Variants in SLC35F1 observed in about 807,000 individuals in gnomAD.
SLC35F1 encodes chromosome 6 open reading frame 169.
In SLC35F1, 14 loss-of-function variants were observed where a neutral mutation model predicts 48.7. The observed-to-expected ratio is 0.29, with a 90% CI of 0.19 to 0.45. The LOEUF is 0.45. Ranked by LOEUF, SLC35F1 falls within the 20% of genes least tolerant of loss-of-function variation. SLC35F1 has a pLI of 1.00. For missense variants in SLC35F1, 404 were observed against 500.0 expected, an observed-to-expected ratio of 0.81 and a Z score of 1.83; for synonymous variants, 190 against 202.2, an observed-to-expected ratio of 0.94 and a Z score of 0.51.
intron 3 of SLC35F1, among the ~76,000 whole-genome samples, chr6:118,263,726 G>T (rs1390595812): frequency 2.0e-5 from 3 of 152,086 alleles, no homozygotes; most frequent in Non-Finnish European, 4.4e-5. Context: ...CAGTTATAAT[G>T]CTTCTCTTTT....
At chr6:117,936,385 A>G (rs1177860697) in intron 1 of SLC35F1, among the ~76,000 whole-genome samples, 1 of 152,006 alleles carries the variant, frequency 6.6e-6, no homozygotes, top group Non-Finnish European at 1.5e-5. Flanking sequence ...GATGTGCTAA[A>G]CTGTTCCCCA....
At chr6:118,157,584 T>TG (rs1343276814) in intron 2 of SLC35F1, among the ~76,000 whole-genome samples, 1 of 152,178 alleles carries the variant, frequency 6.6e-6, no homozygotes, top group East Asian at 1.9e-4. Context: ...CTTCAGTCTG[T>TG]GGCCGAAGTC....
At chr6:117,924,777 C>T (rs995868972) in intron 1 of SLC35F1, among the ~76,000 whole-genome samples, 5 of 152,052 alleles carry the variant, frequency 3.3e-5, no homozygotes, top group African/African-American at 1.2e-4. Context: ...AAGGATCTGC[C>T]TACATAAAGA....
intron 1 of SLC35F1, among the ~76,000 whole-genome samples, chr6:118,103,481 C>A (rs2114368998): frequency 6.6e-6 from 1 of 152,320 alleles, no homozygotes; most frequent in Non-Finnish European, 1.5e-5. Flanking sequence ...GTGTGGGGAG[C>A]AGCCACTCCC....
rs142732837 is a variant in SLC35F1, at chr6:118,062,391, G to A, written c.174-92054G>A. On this transcript the variant is annotated intron_variant, in intron 1 of 7. Coordinates refer to ENST00000360388, the MANE Select transcript of SLC35F1 (RefSeq NM_001029858.4). ...TTTTTTAAAATTTTGTGGCTACATA[G>A]TAGGTATATAGATTTATGGGGTACA... Among the ~76,000 whole-genome samples, 32 of 152,196 alleles carry A rather than the reference G, an allele frequency of 2.1e-4. No homozygotes were observed. In the East Asian group the frequency reaches 5.6e-3, roughly 27 times the overall value.
At chr6:118,303,573 C>T (rs1380813934) in intron 7 of SLC35F1, among the ~76,000 whole-genome samples, 1 of 152,134 alleles carries the variant, frequency 6.6e-6, no homozygotes, top group Non-Finnish European at 1.5e-5. Context: ...AGATGCTTAT[C>T]ATGGTACTCT....
intron 1 of SLC35F1, among the ~76,000 whole-genome samples, chr6:118,057,571 T>A (rs1772480734): frequency 1.3e-5 from 2 of 152,242 alleles, no homozygotes; most frequent in East Asian, 3.8e-4. Flanking sequence ...GAGAAGAGAT[T>A]AATCTGGCTA....
chr6:118,124,795 T>C (rs1432852484), intron 1 of SLC35F1, among the ~76,000 whole-genome samples: 1 of 152,146 alleles, frequency 6.6e-6, no homozygotes, highest in Non-Finnish European at 1.5e-5. Flanking sequence ...TTCCATATAT[T>C]CTCACAGTAT....
intron 1 of SLC35F1, among the ~76,000 whole-genome samples, chr6:118,139,078 G>A (rs188732597): frequency 8.5e-5 from 13 of 152,198 alleles, no homozygotes; most frequent in South Asian, 2.1e-4. Flanking sequence ...ACTTTAGGGC[G>A]TCAAGGGAAC....
intron 2 of SLC35F1, among the ~76,000 whole-genome samples, chr6:118,205,038 G>A (rs1489034752): frequency 6.6e-6 from 1 of 152,184 alleles, no homozygotes; most frequent in Non-Finnish European, 1.5e-5. Flanking sequence ...TCTTTTGTCA[G>A]GGTTTCTTTG....
At chr6:117,980,071 TTA>T (rs909457218) in intron 1 of SLC35F1, among the ~76,000 whole-genome samples, 3 of 152,212 alleles carry the variant, frequency 2.0e-5, no homozygotes, top group Non-Finnish European at 4.4e-5. Flanking sequence ...GGTTTCTGTT[TTA>T]TATGTTTATG....
At chr6:118,101,192 A>G (rs781725140) in intron 1 of SLC35F1, among the ~76,000 whole-genome samples, 26 of 152,328 alleles carry the variant, frequency 1.7e-4, no homozygotes, top group Middle Eastern at 3.4e-3. Flanking sequence ...ACTATGTCAG[A>G]AAAGGTAACA....
chr6:117,976,116 A>G (rs1001104214), intron 1 of SLC35F1, among the ~76,000 whole-genome samples: 5 of 152,230 alleles, frequency 3.3e-5, no homozygotes, highest in East Asian at 1.9e-4. Context: ...TTTTACTTTA[A>G]GGAGTGTGAT....
intron 1 of SLC35F1, among the ~76,000 whole-genome samples, chr6:117,999,621 G>C (rs148221334): frequency 2.7e-5 from 4 of 150,476 alleles, no homozygotes; most frequent in Non-Finnish European, 4.4e-5. Context: ...AGGAAATAGA[G>C]ACCCAAAAAA....
At chr6:117,934,236 A>G (rs1420099661) in intron 1 of SLC35F1, among the ~76,000 whole-genome samples, 2 of 152,188 alleles carry the variant, frequency 1.3e-5, no homozygotes, top group African/African-American at 2.4e-5. Flanking sequence ...CCTCAGAAGT[A>G]TGGTGCAGTT....
At chr6:118,274,328 C>T (rs1274518876) in intron 4 of SLC35F1, among the ~76,000 whole-genome samples, 1 of 152,138 alleles carries the variant, frequency 6.6e-6, no homozygotes, top group Non-Finnish European at 1.5e-5. Flanking sequence ...GAAGTTTGCC[C>T]AATTCTAGGA....
intron 2 of SLC35F1, among the ~76,000 whole-genome samples, chr6:118,234,358 G>A (rs910943310): frequency 6.6e-5 from 10 of 152,108 alleles, no homozygotes; most frequent in African/African-American, 2.4e-4. Flanking sequence ...TCCATCTTTG[G>A]TGTTCTCTCT....
intron 1 of SLC35F1, among the ~76,000 whole-genome samples, chr6:118,057,313 C>T (rs1772476122): frequency 6.6e-6 from 1 of 152,108 alleles, no homozygotes; most frequent in Non-Finnish European, 1.5e-5. Flanking sequence ...GATGGAAGTG[C>T]TGCACGGGCA....
chr6:118,276,968 C>T (rs144044014), intron 5 of SLC35F1, among the ~76,000 whole-genome samples: 2 of 152,304 alleles, frequency 1.3e-5, no homozygotes, highest in Non-Finnish European at 2.9e-5. Context: ...AGCAGCAGCA[C>T]TGACATCACA....
Sources: allele counts gnomAD v4.1 joint callset (sites outside exome capture counted in the v4.1 genomes callset), GRCh38; gene constraint gnomAD v4.1.1; transcripts MANE v1.5; gene names NCBI Gene and HGNC (gene_info 2026-07-23, HGNC 2026-07-21).